Variants in KAT14 observed in about 807,000 individuals in gnomAD.
KAT14 encodes lysine acetyltransferase 14.
A neutral mutation model predicts 78.4 loss-of-function variants in KAT14; 66 were observed. The ratio of observed to expected loss-of-function variants is 0.84; its 90% confidence interval spans 0.69 to 1.03. The LOEUF (loss-of-function observed/expected upper bound fraction) is 1.03, where lower values mean the gene tolerates loss of function less well. Ranked by LOEUF, KAT14 falls within the 50% of genes least tolerant of loss-of-function variation. The pLI, the probability that KAT14 is intolerant of heterozygous loss-of-function variation, is 0.00. For missense variants in KAT14, 870 were observed against 972.5 expected, an observed-to-expected ratio of 0.89 and a Z score of 1.40; for synonymous variants, 344 against 359.4, an observed-to-expected ratio of 0.96 and a Z score of 0.48.
At chr20:18,143,074 G>A in intron 2 of KAT14, 155 bp downstream of exon 2, 2 of 1,416,222 alleles carry the variant, frequency 1.4e-6, no homozygotes, top group African/African-American at 1.4e-5. Flanking sequence ...ATAAAACATA[G>A]GCATGTTTGT....
chr20:18,145,650 G>A (rs990120238), intron 3 of KAT14, among the ~76,000 whole-genome samples: 7 of 152,042 alleles, frequency 4.6e-5, no homozygotes, highest in Admixed American at 1.3e-4. Flanking sequence ...CTATGGTGGT[G>A]GGCCCCTGTA....
At chr20:18,157,873 A>G (rs928543163) in intron 4 of KAT14, among the ~76,000 whole-genome samples, 1 of 152,230 alleles carries the variant, frequency 6.6e-6, no homozygotes. Context: ...AAAGATTAGA[A>G]AAAGATAAGA....
intron 4 of KAT14, among the ~76,000 whole-genome samples, chr20:18,157,990 T>A (rs1352889488): frequency 6.6e-6 from 1 of 152,144 alleles, no homozygotes; most frequent in African/African-American, 2.4e-5. Context: ...CGGGCTGGAG[T>A]GCAATGGTGC....
chr20:18,138,594 T>A, intron 1 of KAT14: 1 of 350,050 alleles, frequency 2.9e-6, no homozygotes, highest in South Asian at 1.1e-4. Flanking sequence ...TCTCCATGCC[T>A]TTGACCAAGA....
chr20:18,177,186 A>G (rs1171067648), intron 7 of KAT14, among the ~76,000 whole-genome samples: 1 of 152,094 alleles, frequency 6.6e-6, no homozygotes, highest in Non-Finnish European at 1.5e-5. Flanking sequence ...TAGTGGGCTG[A>G]AGGCTGGGTT....
rs748919947 is a variant in KAT14 at position 18,159,151 on chromosome 20, C to T, written c.568C>T (p.Arg190Cys). The T allele has an allele frequency of 8.7e-6, 14 of 1,613,944 alleles. No homozygotes were observed. The highest frequency in any genetic ancestry group is 1.6e-4 in the Middle Eastern group (1 of 6,062). The change falls in exon 5 of 11, where the codon CGT becomes TGT. Residue 190 changes from arginine to cysteine, a missense_variant. By Grantham distance (180) the Arg-to-Cys change is radical (BLOSUM62 -3). Coordinates refer to ENST00000688188, the MANE Select transcript of KAT14 (RefSeq NM_001392073.1). ...CAGCGTGGGAAGTCCCATGTACTTC[C>T]GTTCAGGTGCTCAGGAATTTGGAGA... Reference protein sequence around the residue: ...CLSVGSPMYFRSGAQEFGEPG... With the variant: ...CLSVGSPMYFCSGAQEFGEPG...
intron 4 of KAT14, among the ~76,000 whole-genome samples, chr20:18,152,422 C>T (rs948932391): frequency 1.3e-5 from 2 of 152,128 alleles, no homozygotes; most frequent in Non-Finnish European, 2.9e-5. Context: ...ACTAAAAATA[C>T]AGAAATTAGC....
At chr20:18,143,162 A>T (rs1203460094) in intron 2 of KAT14, 7 of 1,232,640 alleles carry the variant, frequency 5.7e-6, no homozygotes, top group Non-Finnish European at 7.1e-6. Context: ...AATTGAGAAA[A>T]TTGGAAATCC....
intron 7 of KAT14, among the ~76,000 whole-genome samples, chr20:18,176,727 G>A (rs1005363297): frequency 1.3e-5 from 2 of 151,512 alleles, no homozygotes; most frequent in Non-Finnish European, 3.0e-5. Context: ...GGTGACAGGG[G>A]CCAGATCCTG....
chr20:18,178,743 A>G (rs1045261255), intron 7 of KAT14, among the ~76,000 whole-genome samples: 1 of 136,800 alleles, frequency 7.3e-6, no homozygotes, highest in African/African-American at 2.5e-5. Flanking sequence ...GAGCCAAACC[A>G]TATCATTCCA....
At chr20:18,166,332 T>C (rs2038640647) in intron 7 of KAT14, among the ~76,000 whole-genome samples, 1 of 152,126 alleles carries the variant, frequency 6.6e-6, no homozygotes, top group South Asian at 2.1e-4. Flanking sequence ...CTTTCCTAAA[T>C]AGGTAAGTGC....
At chr20:18,142,029 AATTT>A (rs917048556) in intron 1 of KAT14, among the ~76,000 whole-genome samples, 175 bp from the exon 2 acceptor site, 3 of 152,152 alleles carry the variant, frequency 2.0e-5, no homozygotes, top group African/African-American at 7.2e-5. Context: ...CACACTACCA[AATTT>A]ATTTGATCGT....
chr20:18,164,681 A>G lies in KAT14; in HGVS notation c.1668+1736A>G, dbSNP rs532214154. On this transcript the variant is annotated intron_variant, in intron 7 of 10. Transcript: ENST00000688188. Reference sequence around the variant, plus strand: ...ACGCAGGTTGGAATGTAGTGGCACAACCACAGCTCATTGCAGCCCCGAACT... The same window carrying G: ...ACGCAGGTTGGAATGTAGTGGCACAGCCACAGCTCATTGCAGCCCCGAACT... Among the ~76,000 whole-genome samples, 13 of 150,126 alleles carry G rather than the reference A, an allele frequency of 8.7e-5. No individual in the cohort carries two copies. In the South Asian group the frequency reaches 2.7e-3, roughly 32 times the overall value.
chr20:18,183,313 C>T lies in KAT14; in HGVS notation c.1981+15C>T, dbSNP rs1227861175. On this transcript the variant is annotated intron_variant, in intron 9 of 10. Coordinates refer to ENST00000688188, the MANE Select transcript of KAT14 (RefSeq NM_001392073.1). The stretch of plus-strand genomic sequence containing the variant: ...TTTTTGGCCTGGTATGTTCCCCCTC[C>T]CAAACCAGGCAGGTCATTTTTCTGT... 6.2e-7 allele frequency: 1 copy of T among 1,607,424 alleles called. No homozygotes were observed. Among genetic ancestry groups the T allele is most frequent in the Non-Finnish European group, 8.5e-7 (1 of 1,175,710 alleles).
At chr20:18,143,090 TGAAAC>T in intron 2 of KAT14, 171 bp downstream of exon 2, 3 of 1,400,374 alleles carry the variant, frequency 2.1e-6, no homozygotes, top group Non-Finnish European at 2.8e-6. Flanking sequence ...TTTGTACTAA[TGAAAC>T]GTACTGTCAA....
At chr20:18,170,125 A>G (rs1380330193) in intron 7 of KAT14, among the ~76,000 whole-genome samples, 2 of 152,270 alleles carry the variant, frequency 1.3e-5, no homozygotes, top group East Asian at 3.8e-4. Context: ...TGCAAGTTAA[A>G]GCAGCATTTG....
chr20:18,151,363 AT>A (rs2038033079), intron 4 of KAT14, among the ~76,000 whole-genome samples: 1 of 151,492 alleles, frequency 6.6e-6, no homozygotes. Context: ...TGCCCAGCTA[AT>A]TTTTGTATTT....
At chr20:18,166,352 C>T (rs988427550) in intron 7 of KAT14, among the ~76,000 whole-genome samples, 2 of 152,072 alleles carry the variant, frequency 1.3e-5, no homozygotes, top group Admixed American at 6.5e-5. Flanking sequence ...CAGGGAAGAA[C>T]AAAGAAGTTG....
chr20:18,164,275 A>G (rs1268353232), intron 7 of KAT14, among the ~76,000 whole-genome samples: 2 of 152,170 alleles, frequency 1.3e-5, no homozygotes, highest in Non-Finnish European at 2.9e-5. Context: ...TGTCTTCAGT[A>G]CAGTACTCCC....
Sources: gnomAD v4.1 joint callset for allele counts (sites outside exome capture counted in the v4.1 genomes callset) on GRCh38, gnomAD v4.1.1 for gene constraint, MANE v1.5 for transcripts, NCBI Gene and HGNC (gene_info 2026-07-23, HGNC 2026-07-21) for gene names.